Variants in BUB1B observed in about 807,000 individuals in gnomAD.
The protein encoded by BUB1B is mitotic checkpoint serine/threonine-protein kinase BUB1 beta.
Under a neutral mutation model 137.7 loss-of-function variants are expected in BUB1B, and 86 were observed. That is an observed-to-expected ratio of 0.62 (90% confidence interval 0.52 to 0.75). The LOEUF (loss-of-function observed/expected upper bound fraction) is 0.75, where lower values mean the gene tolerates loss of function less well. Ranked by LOEUF, BUB1B falls within the 30% of genes least tolerant of loss-of-function variation. The pLI is 0.00. For synonymous variants in BUB1B, 420 were observed against 417.9 expected (o/e 1.00, Z -0.06); for missense variants, 1,130 against 1,236.9 (o/e 0.91, Z 1.30).
At position 40,170,027 on chromosome 15, in the gene BUB1B, A is replaced by G. The variant is rs16970425; in HGVS notation, c.180-35A>G. The G allele has an allele frequency of 9.2e-3, 14,110 of 1,530,290 alleles. 1,098 individuals carry two copies. The African/African-American group carries it at 0.17, about 18-fold the overall frequency. The allele number at this position is 1,530,290 out of a possible 1,614,324, so 94.8% of individuals were successfully genotyped here. On this transcript the variant is annotated intron_variant, in intron 2 of 22. Coordinates refer to ENST00000287598, the MANE Select transcript of BUB1B (RefSeq NM_001211.6). ...TACTTGTTCATTGGCTGTTGTCACT[A>G]TTGCATATGCTAACTTTTTCTGTTT... is the stretch of plus-strand genomic sequence containing the variant.
intron 8 of BUB1B, among the ~76,000 whole-genome samples, chr15:40,193,693 G>T (rs543389943): frequency 6.6e-6 from 1 of 151,926 alleles, no homozygotes; most frequent in African/African-American, 2.4e-5. Flanking sequence ...GGATCATGAG[G>T]TCAGGAGTTC....
chr15:40,208,865 C>T, intron 16 of BUB1B, 95 bp downstream of exon 16: 2 of 1,277,610 alleles, frequency 1.6e-6, no homozygotes, highest in Admixed American at 3.5e-5. Flanking sequence ...GACAGGGTCT[C>T]ACTCTGTCAC....
intron 18 of BUB1B, among the ~76,000 whole-genome samples, chr15:40,211,826 T>A (rs1348850418): frequency 3.3e-5 from 5 of 149,948 alleles, no homozygotes; most frequent in Non-Finnish European, 5.9e-5. Context: ...GTTTTTTTGT[T>A]TTTTTTTTTC....
At position 40,216,140 on chromosome 15, in the gene BUB1B, T is replaced by C. The variant is rs575730810; in HGVS notation, c.2679-1356T>C. ...TTTTCCCTATGCCTCCAAAGTTATA[T>C]AAATATTTTACAATTACACTGGGCA... On this transcript the variant is annotated intron_variant, in intron 20 of 22. Coordinates refer to ENST00000287598, the MANE Select transcript of BUB1B (RefSeq NM_001211.6). 2.0e-5 allele frequency among the ~76,000 whole-genome samples: 3 copies of C among 151,646 alleles called. No homozygotes were observed. The South Asian group carries it at 6.3e-4, about 32-fold the overall frequency.
intron 1 of BUB1B, 138 bp from the exon 2 acceptor site, chr15:40,164,909 TATAATA>T (rs916248563): frequency 3.9e-6 from 4 of 1,030,124 alleles, no homozygotes; most frequent in African/African-American, 3.2e-5. Context: ...AGCTTAGGCA[TATAATA>T]ATAATAATAA....
intron 18 of BUB1B, among the ~76,000 whole-genome samples, chr15:40,211,824 G>T (rs1351625437): frequency 2.1e-3 from 311 of 145,926 alleles, no homozygotes; most frequent in African/African-American, 7.6e-3. Flanking sequence ...CTGTTTTTTT[G>T]TTTTTTTTTT....
chr15:40,168,105 A>G (rs1851326779), intron 2 of BUB1B, among the ~76,000 whole-genome samples: 1 of 151,846 alleles, frequency 6.6e-6, no homozygotes, highest in Non-Finnish European at 1.5e-5. Flanking sequence ...CGGTGGCTCA[A>G]GCCTGTAATC....
chr15:40,216,563 ATATATATATTTTTTT>A (rs369886348), intron 20 of BUB1B, among the ~76,000 whole-genome samples: 8,314 of 91,914 alleles, frequency 0.09, 801 homozygotes, highest in African/African-American at 0.29. Context: ...ATATATATAT[ATATATATATTTTTTT>A]TTTTTTTTAA....
rs780725534 is a variant in BUB1B at position 40,200,286 on chromosome 15, A to G, written c.1444A>G (p.Ile482Val). The G allele has an allele frequency of 1.2e-5, 20 of 1,613,806 alleles. No homozygotes were observed. The highest frequency in any genetic ancestry group is 1.7e-6 in the Non-Finnish European group (2 of 1,179,894). Residue 482 changes from isoleucine to valine, a missense_variant, in exon 11 of 23, where the codon ATT (isoleucine) becomes GTT (valine). Coordinates refer to ENST00000287598, the MANE Select transcript of BUB1B (RefSeq NM_001211.6). ...TACAAAGGAGACAACTAAACTGCAA[A>G]TTGCTTCCGAGTCTCAGAAAATACC... Reference protein sequence around the residue: ...MPTKETTKLQIASESQKIPGM... With the variant: ...MPTKETTKLQVASESQKIPGM...
intron 11 of BUB1B, among the ~76,000 whole-genome samples, chr15:40,200,573 C>T (rs549700166): frequency 2.6e-5 from 4 of 152,234 alleles, no homozygotes; most frequent in African/African-American, 9.6e-5. Flanking sequence ...GAAACAAATA[C>T]ATATACTGTT....
intron 18 of BUB1B, among the ~76,000 whole-genome samples, chr15:40,210,886 C>A (rs775340797): frequency 6.6e-5 from 10 of 152,076 alleles, no homozygotes; most frequent in South Asian, 2.1e-4. Context: ...TATTCTTGTC[C>A]CCACTATTCT....
chr15:40,211,793 G>A (rs2037715342), intron 18 of BUB1B, among the ~76,000 whole-genome samples: 1 of 151,784 alleles, frequency 6.6e-6, no homozygotes, highest in Admixed American at 6.6e-5. Context: ...GAGCAGAGGA[G>A]GGAAGCTGGG....
intron 4 of BUB1B, chr15:40,173,932 T>C (rs1196252704): frequency 2.3e-6 from 1 of 431,774 alleles, no homozygotes; most frequent in Non-Finnish European, 4.6e-6. Flanking sequence ...ACAGTCTAGC[T>C]AAGGAAAAAA....
chr15:40,202,164 T>TGTTGG lies in BUB1B; in HGVS notation c.1568-232_1568-228dup, dbSNP rs566349457. Among the ~76,000 whole-genome samples the TGTTGG allele has an allele frequency of 1.1e-4, 17 of 152,294 alleles. No homozygotes were observed. In the South Asian group the frequency reaches 3.3e-3, roughly 30 times the overall value. The stretch of plus-strand genomic sequence containing the variant: ...TCTGGAATTTGCTTTAAAATAATCC[T>TGTTGG]GTTGGGTTGGGTTTGGGGAGTAGTG... On this transcript the variant is annotated intron_variant, in intron 12 of 22. Transcript: ENST00000287598.
rs538043187 is a variant in BUB1B, at chr15:40,168,134, G to A, written c.180-1928G>A. 9.7e-4 allele frequency among the ~76,000 whole-genome samples: 148 copies of A among 151,870 alleles called. 3 individuals carry two copies. Among genetic ancestry groups the A allele is most frequent in the Non-Finnish European group, 2.6e-4 (18 of 67,964 alleles). On this transcript the variant is annotated intron_variant, in intron 2 of 22. Transcript: ENST00000287598. ...TGTAATCCCAGCACTTTAGGAGGCC[G>A]AGGCAGGCGGATCACCTGAGGTGAG...
intron 8 of BUB1B, among the ~76,000 whole-genome samples, chr15:40,191,168 A>T (rs2037432888): frequency 6.6e-6 from 1 of 152,206 alleles, no homozygotes; most frequent in Non-Finnish European, 1.5e-5. Context: ...GATTACAGGC[A>T]TGAGCCACTG....
intron 8 of BUB1B, among the ~76,000 whole-genome samples, chr15:40,190,802 A>C (rs1051776510): frequency 6.6e-6 from 1 of 152,128 alleles, no homozygotes; most frequent in Non-Finnish European, 1.5e-5. Flanking sequence ...TAATATGTGG[A>C]TGCTGAACAA....
rs112778769 is a variant in BUB1B at position 40,163,027 on chromosome 15, G to A, written c.35+1772G>A. Reference sequence around the variant, plus strand: ...TGTATGTGGAGTTTTCATGTTTTCCGCATGTCTGCATGGGTTTCCTTAGGT... The same window carrying A: ...TGTATGTGGAGTTTTCATGTTTTCCACATGTCTGCATGGGTTTCCTTAGGT... On this transcript the variant is annotated intron_variant, in intron 1 of 22. Coordinates refer to ENST00000287598, the MANE Select transcript of BUB1B (RefSeq NM_001211.6). 2.2e-4 allele frequency among the ~76,000 whole-genome samples: 33 copies of A among 152,184 alleles called. 1 individual carries two copies. Among genetic ancestry groups the A allele is most frequent in the Middle Eastern group, 3.4e-3 (1 of 294 alleles).
At chr15:40,174,017 A>T (rs962893980) in intron 4 of BUB1B, 1 of 386,858 alleles carries the variant, frequency 2.6e-6, no homozygotes, top group Non-Finnish European at 4.9e-6. Flanking sequence ...AAGGGTTACC[A>T]AAAAAAAGGT....
Sources: gnomAD v4.1 joint callset for allele counts (sites outside exome capture counted in the v4.1 genomes callset) on GRCh38, gnomAD v4.1.1 for gene constraint, MANE v1.5 for transcripts, NCBI Gene and HGNC (gene_info 2026-07-23, HGNC 2026-07-21) for gene names.